Variants in PPTC7 observed in about 807,000 individuals in gnomAD.
PPTC7 encodes the protein protein phosphatase PTC7 homolog.
In PPTC7, 6 loss-of-function variants were observed where a neutral mutation model predicts 30.8. The ratio of observed to expected loss-of-function variants is 0.19; its 90% CI spans 0.11 to 0.38. The LOEUF (loss-of-function observed/expected upper bound fraction) is 0.38. Among genes scored for constraint, PPTC7 ranks in the 10% least tolerant of loss-of-function variants. PPTC7 has a pLI of 1.00. For synonymous variants in PPTC7, 163 were observed against 168.1 expected, an observed-to-expected ratio of 0.97 and a Z score of 0.23; for missense variants, 218 against 404.8, an observed-to-expected ratio of 0.54 and a Z score of 3.96.
At chr12:110,572,105 T>G (rs2064541567) in intron 1 of PPTC7, among the ~76,000 whole-genome samples, 1 of 152,126 alleles carries the variant, frequency 6.6e-6, no homozygotes. Flanking sequence ...ATAGACTAAT[T>G]TTGGTAAGTC....
At chr12:110,581,835 G>A (rs1303532246) in intron 1 of PPTC7, among the ~76,000 whole-genome samples, 2 of 152,160 alleles carry the variant, frequency 1.3e-5, no homozygotes. Context: ...ACCTGGGAAG[G>A]GAAATCAAAG....
At position 110,539,858 on chromosome 12, in the gene PPTC7, A is replaced by T; in HGVS notation, c.690T>A (p.Pro230=). The change falls in exon 4 of 6, where the codon CCT becomes CCA. Residue 230 remains proline, a synonymous_variant. Transcript: ENST00000354300. ...TATDGLFDNM[P]DYMILQELKK... is the part of the protein sequence containing the mutation. ...TTAGCTCCTGAAGAATCATATAATC[A>T]GGCATGTTGTCAAAGAGTCCATCTG... 6.2e-7 allele frequency: 1 copy of T among 1,614,100 alleles called. No individual in the cohort carries two copies. The highest frequency in any genetic ancestry group is 8.5e-7 in the Non-Finnish European group (1 of 1,179,972).
rs1191915802 is a variant in PPTC7, at chr12:110,572,883, T to G, written c.223+9926A>C. 2.6e-5 allele frequency among the ~76,000 whole-genome samples: 4 copies of G among 152,078 alleles called. No homozygotes were observed. The East Asian group carries it at 7.7e-4, about 29-fold the overall frequency. ...CTTTTTTAAGTTTTTATTTATTTAT[T>G]TATTTATTTATTTTTGAGACGAGTC... On this transcript the variant is annotated intron_variant, in intron 1 of 5. Coordinates refer to ENST00000354300, the MANE Select transcript of PPTC7 (RefSeq NM_139283.2).
At chr12:110,558,121 T>C (rs984144491) in intron 1 of PPTC7, among the ~76,000 whole-genome samples, 9 of 152,300 alleles carry the variant, frequency 5.9e-5, no homozygotes, top group Middle Eastern at 3.4e-3. Context: ...ATTCTACAGT[T>C]GGCAAGGGTG....
At position 110,542,908 on chromosome 12, in the gene PPTC7, T is replaced by A. The variant is rs75330787; in HGVS notation, c.603-2963A>T. Among the ~76,000 whole-genome samples, 1,042 of 152,176 alleles carry A rather than the reference T, an allele frequency of 6.8e-3. 1 individual carries two copies. The highest frequency in any genetic ancestry group is 9.4e-3 in the Non-Finnish European group (637 of 67,998). On this transcript the variant is annotated intron_variant, in intron 3 of 5. Coordinates refer to ENST00000354300, the MANE Select transcript of PPTC7 (RefSeq NM_139283.2). ...AACCCCGGGTGGGGAGAAAAGATCC[T>A]ATATTCAGAGATCATGGCCTCCTGA...
intron 2 of PPTC7, among the ~76,000 whole-genome samples, chr12:110,549,830 C>T (rs1012732713): frequency 1.3e-5 from 2 of 152,128 alleles, no homozygotes; most frequent in Admixed American, 6.6e-5. Context: ...AGCAGAGCCA[C>T]TCTTGAGAAC....
chr12:110,542,947 C>T (rs1403915545), intron 3 of PPTC7, among the ~76,000 whole-genome samples: 5 of 152,098 alleles, frequency 3.3e-5, no homozygotes, highest in Non-Finnish European at 7.4e-5. Flanking sequence ...TGGTTCTTGG[C>T]GACTTCTTAA....
At chr12:110,569,362 TAA>T (rs1322103703) in intron 1 of PPTC7, among the ~76,000 whole-genome samples, 1 of 151,464 alleles carries the variant, frequency 6.6e-6, no homozygotes, top group Non-Finnish European at 1.5e-5. Flanking sequence ...TAAATAAAAA[TAA>T]AAAAAGAGAA....
intron 1 of PPTC7, among the ~76,000 whole-genome samples, chr12:110,556,535 A>C (rs887227423): frequency 6.6e-6 from 1 of 152,248 alleles, no homozygotes; most frequent in African/African-American, 2.4e-5. Flanking sequence ...CCCTTTAAAC[A>C]GTGGAACTGA....
At position 110,546,055 on chromosome 12, in the gene PPTC7, C is replaced by G; in HGVS notation, c.427G>C (p.Val143Leu). Residue 143 changes from valine to leucine, a missense_variant, in exon 3 of 6, where the codon GTG (valine) becomes CTG (leucine). Val to Leu is a conservative substitution (Grantham distance 32). Coordinates refer to ENST00000354300, the MANE Select transcript of PPTC7 (RefSeq NM_139283.2). ...AAGCGGTGGCTGGTTCTGTCCAGCA[C>G]CACAATGCAGGCGGTGCTGCTACCT... is the stretch of plus-strand genomic sequence containing the variant. ...LLGSSTACIV[V>L]LDRTSHRLHT... 6.2e-7 allele frequency: 1 copy of G among 1,614,018 alleles called. No homozygotes were observed. Among genetic ancestry groups the G allele is most frequent in the Non-Finnish European group, 8.5e-7 (1 of 1,179,988 alleles).
At chr12:110,576,615 G>A (rs1048880143) in intron 1 of PPTC7, among the ~76,000 whole-genome samples, 2 of 152,128 alleles carry the variant, frequency 1.3e-5, no homozygotes, top group Non-Finnish European at 2.9e-5. Context: ...AACATGCTAA[G>A]GAAAAGGCCA....
intron 1 of PPTC7, among the ~76,000 whole-genome samples, chr12:110,581,502 G>A (rs770235343): frequency 6.6e-6 from 1 of 152,040 alleles, no homozygotes; most frequent in Non-Finnish European, 1.5e-5. Context: ...AGCTGACTTC[G>A]GGGTGGATTT....
chr12:110,550,617 A>G (rs1380124032), intron 2 of PPTC7, among the ~76,000 whole-genome samples: 1 of 152,134 alleles, frequency 6.6e-6, no homozygotes, highest in Non-Finnish European at 1.5e-5. Context: ...CAGAAACGTA[A>G]TAATACCCTC....
intron 1 of PPTC7, among the ~76,000 whole-genome samples, chr12:110,572,492 A>G (rs941220386): frequency 1.3e-5 from 2 of 152,204 alleles, no homozygotes; most frequent in Admixed American, 1.3e-4. Flanking sequence ...AGTAGTCCAA[A>G]AAGAAATAAA....
intron 3 of PPTC7, among the ~76,000 whole-genome samples, chr12:110,544,665 C>G (rs1226579952): frequency 6.6e-6 from 1 of 152,122 alleles, no homozygotes; most frequent in Non-Finnish European, 1.5e-5. Context: ...GAAACCCTGT[C>G]TCTACTAAAA....
intron 2 of PPTC7, among the ~76,000 whole-genome samples, chr12:110,551,414 C>T (rs968524122): frequency 3.9e-5 from 6 of 152,186 alleles, no homozygotes; most frequent in Non-Finnish European, 5.9e-5. Context: ...GGCGCCATCT[C>T]GGCACACCGC....
At position 110,583,095 on chromosome 12, in the gene PPTC7, G is replaced by T; in HGVS notation, c.-64C>A. 7.8e-7 allele frequency: 1 copy of T among 1,283,196 alleles called. No individual in the cohort carries two copies. The highest frequency in any genetic ancestry group is 2.9e-4 in the Middle Eastern group (1 of 3,420). 79.5% of individuals were successfully genotyped at this position (1,283,196 alleles called of 1,614,324 possible). On this transcript the variant is annotated 5_prime_UTR_variant, in exon 1 of 6. Transcript: ENST00000354300. ...GAGCAGGAGGACGCGGAGGCCCGGAGCCGGCTCTCTCCTCAGCCGCAGTCG... is the reference window on the plus strand; with the variant it reads ...GAGCAGGAGGACGCGGAGGCCCGGATCCGGCTCTCTCCTCAGCCGCAGTCG...
At chr12:110,568,455 T>G (rs930493792) in intron 1 of PPTC7, among the ~76,000 whole-genome samples, 1 of 152,094 alleles carries the variant, frequency 6.6e-6, no homozygotes, top group African/African-American at 2.4e-5. Context: ...GGTTTCACCA[T>G]GTTAGCCAGG....
At chr12:110,557,442 T>C (rs1046252902) in intron 1 of PPTC7, among the ~76,000 whole-genome samples, 1 of 146,876 alleles carries the variant, frequency 6.8e-6, no homozygotes, top group Non-Finnish European at 1.5e-5. Flanking sequence ...ACCCCGCTAC[T>C]TTTTTTTTTA....
Sources: gnomAD v4.1 joint callset for allele counts (sites outside exome capture counted in the v4.1 genomes callset) on GRCh38, gnomAD v4.1.1 for gene constraint, MANE v1.5 for transcripts, NCBI Gene and HGNC (gene_info 2026-07-23, HGNC 2026-07-21) for gene names.